ALK: variants seen among roughly 807,000 people sequenced by gnomAD.
ALK encodes ALK receptor tyrosine kinase, also known as ALK tyrosine kinase receptor.
In ALK, 74 loss-of-function variants were observed where a neutral mutation model predicts 163.1. The observed-to-expected ratio is 0.45, with a 90% confidence interval of 0.38 to 0.55. The LOEUF (loss-of-function observed/expected upper bound fraction) is 0.55, where lower values mean the gene tolerates loss of function less well. Ranked by LOEUF, ALK falls within the 20% of genes least tolerant of loss-of-function variation. The pLI is 0.00. For missense variants in ALK, 2,063 were observed against 2,105.3 expected (o/e 0.98, Z 0.39); for synonymous variants, 960 against 843.2 (o/e 1.14, Z -2.40).
intron 1 of ALK, among the ~76,000 whole-genome samples, chr2:29,749,720 A>G (rs577940826): frequency 6.6e-6 from 1 of 152,158 alleles, no homozygotes; most frequent in Non-Finnish European, 1.5e-5. Context: ...CCAGCCATTT[A>G]TTAGCCCACA....
Position 29,392,767 on chromosome 2 carries a change from C to T in ALK, c.1155-8908G>A, listed in dbSNP as rs1669206353. Among the ~76,000 whole-genome samples, 3 of 152,278 alleles carry T rather than the reference C, an allele frequency of 2.0e-5. No individual in the cohort carries two copies. In the South Asian group the frequency reaches 6.2e-4, roughly 32 times the overall value. ...AGAAAAACATAGTAGTAGAAATGTT[C>T]TTAACTGGACTTCGTGTGACTAATT... On this transcript the variant is annotated intron_variant, in intron 4 of 28. Transcript: ENST00000389048.
chr2:29,719,814 G>T (rs1212677813), intron 1 of ALK, among the ~76,000 whole-genome samples: 1 of 152,106 alleles, frequency 6.6e-6, no homozygotes, highest in Non-Finnish European at 1.5e-5. Context: ...TCTCCACAGG[G>T]CCTGGCAGGG....
rs933070023 is a variant in ALK, at chr2:29,518,444, G to T, written c.1154+13471C>A. On this transcript the variant is annotated intron_variant, in intron 4 of 28. Transcript: ENST00000389048. ...TCTTTGCCTGCAAGAAAAACTTGAG[G>T]ATTCTCCATTCAGAAAAAAGAATCA... 2.0e-5 allele frequency among the ~76,000 whole-genome samples: 3 copies of T among 152,182 alleles called. No individual in the cohort carries two copies. In the South Asian group the frequency reaches 6.2e-4, roughly 32 times the overall value.
chr2:29,279,200 G>T (rs1357941400), intron 9 of ALK, among the ~76,000 whole-genome samples: 1 of 152,222 alleles, frequency 6.6e-6, no homozygotes, highest in Non-Finnish European at 1.5e-5. Flanking sequence ...CGCGGCGACA[G>T]CAGTGGCAGC....
At chr2:29,650,039 T>C (rs1399146540) in intron 3 of ALK, among the ~76,000 whole-genome samples, 1 of 152,160 alleles carries the variant, frequency 6.6e-6, no homozygotes, top group Non-Finnish European at 1.5e-5. Flanking sequence ...GAAGGAAAAG[T>C]GTCCAACCCA....
chr2:29,787,938 A>T, intron 1 of ALK, among the ~76,000 whole-genome samples: 1 of 152,252 alleles, frequency 6.6e-6, no homozygotes, highest in Admixed American at 6.5e-5. Context: ...AAGTGTTAGT[A>T]TATGGAAATA....
intron 11 of ALK, among the ~76,000 whole-genome samples, chr2:29,254,790 A>T (rs755469748): frequency 6.6e-6 from 1 of 152,218 alleles, no homozygotes; most frequent in Non-Finnish European, 1.5e-5. Flanking sequence ...TCAAGTTTTC[A>T]CTGTGGGAAG....
chr2:29,670,583 G>A (rs1002281917), intron 3 of ALK, among the ~76,000 whole-genome samples: 19 of 151,942 alleles, frequency 1.3e-4, no homozygotes, highest in African/African-American at 2.4e-4. Flanking sequence ...TTATTTCTTC[G>A]AATAAACTTT....
intron 1 of ALK, among the ~76,000 whole-genome samples, chr2:29,769,649 G>A (rs894769179): frequency 1.3e-5 from 2 of 152,280 alleles, no homozygotes; most frequent in South Asian, 2.1e-4. Context: ...TGGATGCATC[G>A]CTTCCTTCAG....
At chr2:29,469,143 C>G (rs1338136931) in intron 4 of ALK, among the ~76,000 whole-genome samples, 6 of 152,154 alleles carry the variant, frequency 3.9e-5, no homozygotes, top group Non-Finnish European at 8.8e-5. Context: ...TGAAGCTTTC[C>G]TAAAGGAAGC....
intron 5 of ALK, among the ~76,000 whole-genome samples, chr2:29,346,353 T>C (rs1384533870): frequency 1.3e-5 from 2 of 152,178 alleles, no homozygotes; most frequent in African/African-American, 2.4e-5. Flanking sequence ...TTTTCAGAGA[T>C]CCACAGCTCA....
At chr2:29,254,513 G>A in intron 11 of ALK, among the ~76,000 whole-genome samples, 1 of 152,160 alleles carries the variant, frequency 6.6e-6, no homozygotes, top group East Asian at 1.9e-4. Context: ...GAGACATCTG[G>A]TGAGGGAGGA....
intron 3 of ALK, among the ~76,000 whole-genome samples, chr2:29,586,624 T>A (rs1050687020): frequency 1.3e-5 from 2 of 152,200 alleles, no homozygotes; most frequent in Admixed American, 6.5e-5. Context: ...GTTATCTACC[T>A]GGGAAATAGG....
At chr2:29,278,138 G>A (rs1240723833) in intron 9 of ALK, among the ~76,000 whole-genome samples, 8 of 152,178 alleles carry the variant, frequency 5.3e-5, no homozygotes, top group Admixed American at 5.2e-4. Context: ...TGAATGCAGG[G>A]AAGGGCTTGA....
chr2:29,882,982 G>A (rs993306239), intron 1 of ALK, among the ~76,000 whole-genome samples: 19 of 152,096 alleles, frequency 1.2e-4, no homozygotes, highest in African/African-American at 2.7e-4. Context: ...GGTCATAAAC[G>A]GAAGTGCAAA....
chr2:29,248,465 A>G (rs541740996), intron 12 of ALK, among the ~76,000 whole-genome samples: 1 of 152,326 alleles, frequency 6.6e-6, no homozygotes, highest in Admixed American at 6.5e-5. Flanking sequence ...TCTGTCTCAA[A>G]AACAGCAGTG....
chr2:29,862,163 T>C (rs1666312126), intron 1 of ALK, among the ~76,000 whole-genome samples: 2 of 152,168 alleles, frequency 1.3e-5, no homozygotes, highest in African/African-American at 4.8e-5. Flanking sequence ...CCATAGCCAA[T>C]ATCATACTCA....
chr2:29,733,141 T>G lies in ALK; in HGVS notation c.668-15444A>C, dbSNP rs376114803. ...AAGAGGAAGATACACAATTGGCTAG[T>G]GGGGCACTCTCCCTGAAAGCGGGGC... On this transcript the variant is annotated intron_variant, in intron 1 of 28. Transcript: ENST00000389048. Among the ~76,000 whole-genome samples, 22 of 152,222 alleles carry G rather than the reference T, an allele frequency of 1.4e-4. No individual in the cohort carries two copies. In the East Asian group the frequency reaches 2.1e-3, roughly 15 times the overall value.
In ALK at chr2:29,877,443, T is replaced by C. The variant is rs1572461046; in HGVS notation, c.667+42550A>G. On this transcript the variant is annotated intron_variant, in intron 1 of 28. Coordinates refer to ENST00000389048, the MANE Select transcript of ALK (RefSeq NM_004304.5). ...TCTCCCTGACCCTTACCAGCATGTATTTTTTGGCTTATTGTCTGTTCTCTC... is the reference window on the plus strand; with the variant it reads ...TCTCCCTGACCCTTACCAGCATGTACTTTTTGGCTTATTGTCTGTTCTCTC... Among the ~76,000 whole-genome samples, 3 of 152,184 alleles carry C rather than the reference T, an allele frequency of 2.0e-5. No homozygotes were observed. The East Asian group carries it at 5.8e-4, about 29-fold the overall frequency.
Sources: allele counts gnomAD v4.1 joint callset (sites outside exome capture counted in the v4.1 genomes callset), GRCh38; gene constraint gnomAD v4.1.1; transcripts MANE v1.5; gene names NCBI Gene and HGNC (gene_info 2026-07-23, HGNC 2026-07-21).